MYO15B: variants seen among roughly 807,000 people sequenced by gnomAD.
MYO15B encodes myosin XVB pseudogene.
In MYO15B, 207 loss-of-function variants were observed where a neutral mutation model predicts 119.3. The ratio of observed to expected loss-of-function variants is 1.73; its 90% confidence interval spans 1.55 to 1.95. The LOEUF is 1.95. Among genes scored for constraint, MYO15B ranks in the 30% most tolerant of loss-of-function variants. MYO15B has a pLI of 0.00. For missense variants in MYO15B, 2,264 were observed against 1,203.1 expected (o/e 1.88, Z -13.04); for synonymous variants, 966 against 498.9 (o/e 1.94, Z -12.48).
At chr17:75,604,322 C>T (rs907388981) in intron 19 of MYO15B, among the ~76,000 whole-genome samples, 3 of 152,236 alleles carry the variant, frequency 2.0e-5, no homozygotes, top group Non-Finnish European at 2.9e-5. Context: ...TGTGGCATCC[C>T]GTGACCACAG....
chr17:75,590,249 C>A lies in MYO15B; in HGVS notation c.2186+6C>A. The A allele has an allele frequency of 2.5e-6, 1 of 399,084 alleles. No individual in the cohort carries two copies. Among genetic ancestry groups the A allele is most frequent in the Middle Eastern group, 6.3e-4 (1 of 1,588 alleles). The allele number at this position is 399,084 out of a possible 1,614,324, so 24.7% of individuals were successfully genotyped here. On this transcript the variant is annotated splice_donor_region_variant and intron_variant, in intron 1 of 63. Coordinates refer to ENST00000645453, the Ensembl canonical transcript of MYO15B. Reference sequence around the variant, plus strand: ...GAGGACCTGGCGCGGTTGCGGTTAGCGGGCGCGGTGCCAAAGCTGCCATCC... The same window carrying A: ...GAGGACCTGGCGCGGTTGCGGTTAGAGGGCGCGGTGCCAAAGCTGCCATCC...
intron 9 of MYO15B, among the ~76,000 whole-genome samples, chr17:75,593,379 C>G (rs1433231813): frequency 6.6e-6 from 1 of 151,998 alleles, no homozygotes; most frequent in Admixed American, 6.6e-5. Context: ...GAGCAGATCA[C>G]TTGAAGTCAG....
intron 52 of MYO15B, 44 bp from the exon 53 acceptor site, chr17:75,621,960 A>G (rs1229486567): frequency 8.6e-6 from 6 of 700,936 alleles, no homozygotes; most frequent in Middle Eastern, 2.3e-4. Flanking sequence ...GGCCAGCCCC[A>G]GCACAGCCCC....
At chr17:75,625,317 C>A (rs2058974814) in intron 60 of MYO15B, 79 bp downstream of exon 60, 1 of 644,962 alleles carries the variant, frequency 1.6e-6, no homozygotes, top group Non-Finnish European at 2.8e-6. Context: ...CCTTCCTGGC[C>A]CTAAATGGAC....
chr17:75,621,822 G>C, intron 52 of MYO15B, 182 bp from the exon 53 acceptor site: 1 of 610,198 alleles, frequency 1.6e-6, no homozygotes, highest in Non-Finnish European at 2.9e-6. Context: ...TGGGGCCTTG[G>C]ATACCCAGGA....
chr17:75,616,121 A>G, exon 37 of MYO15B: 2 of 563,882 alleles, frequency 3.5e-6, no homozygotes, highest in Non-Finnish European at 6.3e-6. Flanking sequence ...AGCTTCCAGC[A>G]GAAACGGAAC....
In MYO15B at chr17:75,625,570, G is replaced by T. The variant is rs769076428; in HGVS notation, c.8848G>T (p.Val2950Leu). The T allele has an allele frequency of 1.0e-5, 7 of 702,964 alleles. No homozygotes were observed. In the South Asian group the frequency reaches 1.0e-4, roughly 10 times the overall value. 43.5% of individuals were successfully genotyped at this position (702,964 alleles called of 1,614,324 possible). ...CGTGCCAAAGCAGCTGCAACGGCAG[G>T]TGAACACGGCCTCCATCAAGAACCT... The change falls in exon 61 of 64, where the codon GTG becomes TTG. Residue 2950 changes from valine (V) to leucine (L), a missense_variant. Physicochemically the swap from Val to Leu is conservative, Grantham distance 32. Coordinates refer to ENST00000645453, the Ensembl canonical transcript of MYO15B.
At chr17:75,605,200 G>A (rs1274905850) in intron 19 of MYO15B, among the ~76,000 whole-genome samples, 1 of 151,984 alleles carries the variant, frequency 6.6e-6, no homozygotes, top group African/African-American at 2.4e-5. Flanking sequence ...CACTTTGGGA[G>A]GCCGAGGCGG....
At chr17:75,591,818 A>C (rs1002864575) in intron 5 of MYO15B, 106 bp downstream of exon 5, 4 of 684,844 alleles carry the variant, frequency 5.8e-6, no homozygotes, top group Non-Finnish European at 1.1e-5. Context: ...TTCAGCCAGG[A>C]GAGGGGTGGT....
intron 43 of MYO15B, 117 bp from the exon 44 acceptor site, chr17:75,619,026 G>A (rs989914899): frequency 3.0e-6 from 2 of 663,432 alleles, no homozygotes; most frequent in South Asian, 3.4e-5. Flanking sequence ...CACAGGCCAT[G>A]GGGGCCAGGG....
chr17:75,603,052 A>T (rs531516653), exon 18 of MYO15B: 1 of 703,292 alleles, frequency 1.4e-6, no homozygotes, highest in East Asian at 2.7e-5. Context: ...TATTTCATCC[A>T]GTGCCTCACC....
exon 8 of MYO15B, chr17:75,592,458 T>C (rs1423086927): frequency 1.6e-6 from 1 of 613,208 alleles, no homozygotes; most frequent in Non-Finnish European, 2.9e-6. Flanking sequence ...CCATGTTTTT[T>C]ACAAGCTGCT....
exon 27 of MYO15B, chr17:75,613,170 C>T: frequency 1.4e-6 from 1 of 701,192 alleles, no homozygotes; most frequent in South Asian, 1.5e-5. Flanking sequence ...TTGCTCAGCG[C>T]CTTTCCCCCA....
At chr17:75,591,641 G>C (rs2056458980) in exon 5 of MYO15B, 1 of 702,876 alleles carries the variant, frequency 1.4e-6, no homozygotes, top group African/African-American at 1.7e-5. Context: ...AGGGAAGACG[G>C]AAGCCGCCAA....
At chr17:75,615,359 C>T in intron 34 of MYO15B, 21 bp downstream of exon 34, 1 of 700,490 alleles carries the variant, frequency 1.4e-6, no homozygotes, top group Non-Finnish European at 2.6e-6. Context: ...GCTGGGGGCA[C>T]CAGAGTCCCT....
chr17:75,624,037 T>C, exon 55 of MYO15B: 2 of 702,974 alleles, frequency 2.8e-6, no homozygotes. Context: ...CCTGACCAAG[T>C]TTCTGCAGGA....
At chr17:75,611,929 G>A (rs138855884) in exon 25 of MYO15B, 213 of 702,918 alleles carry the variant, frequency 3.0e-4, no homozygotes, top group Non-Finnish European at 4.3e-4. Context: ...AGTGCCTGCC[G>A]CCTGAGGTTC....
chr17:75,589,231 G>T lies in MYO15B; in HGVS notation c.1174G>T (p.Glu392Ter), dbSNP rs1049276672. The change falls in exon 1 of 64, where the codon GAG becomes TAG. Residue 392 changes from glutamate to a stop codon, truncating the protein, a stop_gained. Transcript: ENST00000645453. LOFTEE classifies it high-confidence loss of function. The surrounding 1 kb of genome is among the most constrained non-coding windows in gnomAD (Gnocchi z 4.2). ...GCTGCGGCTGCGGCGGCGGCCGCCA[G>T]AGGGCGAGGGGCAGGGTACCGGGCC... 2.5e-6 allele frequency: 1 copy of T among 401,326 alleles called. No homozygotes were observed. The highest frequency in any genetic ancestry group is 4.4e-6 in the Non-Finnish European group (1 of 228,732). The allele number at this position is 401,326 out of a possible 1,614,324, so 24.9% of individuals were successfully genotyped here.
intron 61 of MYO15B, 79 bp downstream of exon 61, chr17:75,625,739 G>A (rs889098340): frequency 2.9e-6 from 2 of 700,982 alleles, no homozygotes; most frequent in African/African-American, 3.5e-5. Flanking sequence ...GGCGAGGAGG[G>A]GTCTGCGCCT....
Sources: gnomAD v4.1 joint callset for allele counts (sites outside exome capture counted in the v4.1 genomes callset) on GRCh38, gnomAD v4.1.1 for gene constraint, Gnocchi (gnomAD v3.1) non-coding constraint, MANE v1.5 for transcripts, NCBI Gene and HGNC (gene_info 2026-07-23, HGNC 2026-07-21) for gene names.